The following DPYS variants were observed in gnomAD, a reference collection of about 807,000 sequenced individuals.
The protein encoded by DPYS is dihydropyrimidine amidohydrolase.
In DPYS, 39 loss-of-function variants were observed where a neutral mutation model predicts 50.3. That is an observed-to-expected ratio of 0.78 (90% confidence interval 0.60 to 1.01). DPYS has a LOEUF of 1.01. DPYS is among the 50% of genes least tolerant of loss of function. The pLI, the probability that DPYS is intolerant of heterozygous loss-of-function variation, is 0.00. For missense variants in DPYS, 659 were observed against 680.9 expected, an observed-to-expected ratio of 0.97 and a Z score of 0.36; for synonymous variants, 245 against 250.7, an observed-to-expected ratio of 0.98 and a Z score of 0.22.
chr8:104,424,241 A>C lies in DPYS; in HGVS notation c.1235+6T>G, dbSNP rs763824762. On this transcript the variant is annotated splice_donor_region_variant and intron_variant, in intron 7 of 9. Transcript: ENST00000351513. Reference sequence around the variant, plus strand: ...GAAGCCAAGGAATACAAGAACTTAGACTTACCTTGTGCCTTTTGGGTCCCA... The same window carrying C: ...GAAGCCAAGGAATACAAGAACTTAGCCTTACCTTGTGCCTTTTGGGTCCCA... 3.7e-6 allele frequency: 6 copies of C among 1,613,974 alleles called. No individual in the cohort carries two copies. The East Asian group carries it at 1.3e-4, about 36-fold the overall frequency.
At chr8:104,408,149 T>C (rs1812058882) in intron 7 of DPYS, among the ~76,000 whole-genome samples, 1 of 152,256 alleles carries the variant, frequency 6.6e-6, no homozygotes, top group Non-Finnish European at 1.5e-5. Flanking sequence ...ATTTCTGCAT[T>C]TGGAAGAATC....
intron 8 of DPYS, among the ~76,000 whole-genome samples, chr8:104,381,786 G>A (rs756286422): frequency 1.3e-5 from 2 of 151,620 alleles, no homozygotes; most frequent in Admixed American, 6.6e-5. Flanking sequence ...GTTGGTGACC[G>A]ACTATGCAGC....
intron 1 of DPYS, among the ~76,000 whole-genome samples, chr8:104,461,191 G>A (rs1446867634): frequency 6.6e-6 from 1 of 151,462 alleles, no homozygotes; most frequent in Non-Finnish European, 1.5e-5. Flanking sequence ...TACTTGGGAG[G>A]TTGAGGTGGG....
intron 8 of DPYS, among the ~76,000 whole-genome samples, chr8:104,388,298 A>G (rs73699420): frequency 6.6e-6 from 1 of 152,332 alleles, no homozygotes; most frequent in African/African-American, 2.4e-5. Context: ...ACATCACTCC[A>G]TGAAGCTATT....
intron 8 of DPYS, among the ~76,000 whole-genome samples, chr8:104,384,189 T>G (rs6994791): frequency 2.1e-4 from 32 of 151,982 alleles, no homozygotes; most frequent in African/African-American, 7.0e-4. Flanking sequence ...GCTGTCTCAC[T>G]CTCCACAGTC....
In DPYS at chr8:104,381,158, G is replaced by A. The variant is rs527819828; in HGVS notation, c.*14+26C>T. ...AATTTCATATGCTGTCATGCAGGAA[G>A]ACTTTTCTTGCCTACAGTCCCTTAC... On this transcript the variant is annotated intron_variant, in intron 9 of 9. Transcript: ENST00000351513. 8.2e-6 allele frequency: 13 copies of A among 1,578,536 alleles called. No homozygotes were observed. In the South Asian group the frequency reaches 1.3e-4, roughly 16 times the overall value.
In DPYS at chr8:104,460,040, G is replaced by A. The variant is rs150008151; in HGVS notation, c.264+6617C>T. 2.0e-5 allele frequency among the ~76,000 whole-genome samples: 3 copies of A among 152,130 alleles called. No homozygotes were observed. The East Asian group carries it at 5.8e-4, about 29-fold the overall frequency. On this transcript the variant is annotated intron_variant, in intron 1 of 9. Coordinates refer to ENST00000351513, the MANE Select transcript of DPYS (RefSeq NM_001385.3). ...TCTGTGAATTCCTATATATGTATGTGAATTTTTTTAATTTGTCTTTTCTTT... is the reference window on the plus strand; with the variant it reads ...TCTGTGAATTCCTATATATGTATGTAAATTTTTTTAATTTGTCTTTTCTTT...
At chr8:104,455,013 G>A (rs1301597656) in intron 1 of DPYS, among the ~76,000 whole-genome samples, 1 of 152,128 alleles carries the variant, frequency 6.6e-6, no homozygotes, top group Non-Finnish European at 1.5e-5. Flanking sequence ...CCATTTTAGG[G>A]TGGTGAATAC....
intron 7 of DPYS, among the ~76,000 whole-genome samples, chr8:104,393,648 T>C (rs1811478529): frequency 6.6e-6 from 1 of 152,236 alleles, no homozygotes; most frequent in Admixed American, 6.5e-5. Context: ...CTCAGTAGTT[T>C]ATTAATACTT....
chr8:104,398,676 C>T lies in DPYS; in HGVS notation c.1236-5685G>A, dbSNP rs148817953. ...AATGTGAAGGCTGAACCCAACTGCCCTCCAGGCATTGTCCCTAAGAGAGGC... is the reference window on the plus strand; with the variant it reads ...AATGTGAAGGCTGAACCCAACTGCCTTCCAGGCATTGTCCCTAAGAGAGGC... On this transcript the variant is annotated intron_variant, in intron 7 of 9. Coordinates refer to ENST00000351513, the MANE Select transcript of DPYS (RefSeq NM_001385.3). Among the ~76,000 whole-genome samples the T allele has an allele frequency of 3.6e-4, 55 of 152,328 alleles. No individual in the cohort carries two copies. In the East Asian group the frequency reaches 3.7e-3, roughly 10 times the overall value.
intron 8 of DPYS, among the ~76,000 whole-genome samples, chr8:104,384,072 C>T (rs1271433695): frequency 6.6e-6 from 1 of 152,182 alleles, no homozygotes; most frequent in Non-Finnish European, 1.5e-5. Flanking sequence ...GCCTCTGAGG[C>T]TCTGGGTGGG....
intron 1 of DPYS, among the ~76,000 whole-genome samples, chr8:104,459,591 C>T (rs1814050789): frequency 1.3e-5 from 2 of 152,210 alleles, no homozygotes; most frequent in African/African-American, 4.8e-5. Context: ...GAATATACCA[C>T]TGTAGCATAA....
intron 5 of DPYS, chr8:104,429,284 G>A: frequency 2.0e-6 from 1 of 496,986 alleles, no homozygotes. Flanking sequence ...TGGGCAACAA[G>A]AGATGAAAAA....
At chr8:104,402,304 G>A (rs2140547438) in intron 7 of DPYS, among the ~76,000 whole-genome samples, 1 of 152,256 alleles carries the variant, frequency 6.6e-6, no homozygotes, top group South Asian at 2.1e-4. Flanking sequence ...AATATTCCTT[G>A]TTCTATACGG....
At chr8:104,407,961 A>C (rs1812049500) in intron 7 of DPYS, among the ~76,000 whole-genome samples, 1 of 152,246 alleles carries the variant, frequency 6.6e-6, no homozygotes, top group South Asian at 2.1e-4. Flanking sequence ...GGAAGAAAAA[A>C]AAAAAGTCAT....
At chr8:104,447,651 G>A in intron 2 of DPYS, 148 bp from the exon 3 acceptor site, 3 of 908,482 alleles carry the variant, frequency 3.3e-6, no homozygotes, top group Non-Finnish European at 5.1e-6. Context: ...ATGCAATTAA[G>A]GCCTTGATCT....
chr8:104,450,748 AG>A (rs1159489794), intron 2 of DPYS, among the ~76,000 whole-genome samples: 1 of 152,260 alleles, frequency 6.6e-6, no homozygotes, highest in Non-Finnish European at 1.5e-5. Context: ...GAAACAGTCC[AG>A]GCCTGTCCCT....
Position 104,466,814 on chromosome 8 carries a change from C to T in DPYS, c.107G>A (p.Gly36Glu), listed in dbSNP as rs995386204. The part of the protein sequence containing the change: ...LVEDGVVRAL[G>E]HDLLPPGGAP... ...GCCCCCGGGAGGCAGCAGGTCGTGC[C>T]CGAGTGCCCGCACCACGCCGTCCTC... is the stretch of plus-strand genomic sequence containing the variant. The change falls in exon 1 of 10, where the codon GGG (glycine) becomes GAG (glutamate). Residue 36 changes from glycine (G) to glutamate (E), a missense_variant. Physicochemically the swap from Gly to Glu is moderately conservative, Grantham distance 98. Transcript: ENST00000351513. 2 of 1,533,890 alleles carry T rather than the reference C, an allele frequency of 1.3e-6. No homozygotes were observed. The highest frequency in any genetic ancestry group is 2.5e-5 in the East Asian group (1 of 40,738).
intron 8 of DPYS, among the ~76,000 whole-genome samples, chr8:104,389,891 C>T (rs927507005): frequency 2.6e-5 from 4 of 152,130 alleles, no homozygotes; most frequent in African/African-American, 9.7e-5. Context: ...AAATAATTCA[C>T]AGAATTGATA....
Sources: gnomAD v4.1 joint callset for allele counts (sites outside exome capture counted in the v4.1 genomes callset) on GRCh38, gnomAD v4.1.1 for gene constraint, MANE v1.5 for transcripts, NCBI Gene and HGNC (gene_info 2026-07-23, HGNC 2026-07-21) for gene names.